Variants in FRYL observed in about 807,000 individuals in gnomAD.
The protein encoded by FRYL is protein furry homolog-like.
A neutral mutation model predicts 351.2 loss-of-function variants in FRYL; 150 were observed. The ratio of observed to expected loss-of-function variants is 0.43; its 90% CI spans 0.37 to 0.49. FRYL has a LOEUF of 0.49. FRYL is among the 20% of genes least tolerant of loss of function. FRYL has a pLI of 0.00. For missense variants in FRYL, 3,036 were observed against 3,619.3 expected (o/e 0.84, Z 4.13); for synonymous variants, 1,153 against 1,257.1 (o/e 0.92, Z 1.75).
intron 1 of FRYL, among the ~76,000 whole-genome samples, chr4:48,753,439 T>C (rs549067401): frequency 6.6e-6 from 1 of 152,192 alleles, no homozygotes; most frequent in Non-Finnish European, 1.5e-5. Context: ...TAACTGTTGT[T>C]ATTGCAATAT....
At chr4:48,687,624 TA>T (rs1765285061) in intron 2 of FRYL, among the ~76,000 whole-genome samples, 1 of 151,892 alleles carries the variant, frequency 6.6e-6, no homozygotes, top group Non-Finnish European at 1.5e-5. Context: ...ATTTCTAGAA[TA>T]ATAACAGAAA....
chr4:48,778,871 T>C (rs1226069248), intron 1 of FRYL, among the ~76,000 whole-genome samples: 3 of 152,046 alleles, frequency 2.0e-5, no homozygotes, highest in Admixed American at 6.6e-5. Context: ...TGTCTTGCTG[T>C]GTCTTTTTTC....
intron 50 of FRYL, among the ~76,000 whole-genome samples, chr4:48,529,957 C>G (rs1390966526): frequency 6.6e-6 from 1 of 152,192 alleles, no homozygotes; most frequent in Non-Finnish European, 1.5e-5. Context: ...TCTCAGGTTT[C>G]CTTTAGTTGT....
At chr4:48,727,795 C>A (rs987879649) in intron 1 of FRYL, among the ~76,000 whole-genome samples, 1 of 152,166 alleles carries the variant, frequency 6.6e-6, no homozygotes, top group African/African-American at 2.4e-5. Flanking sequence ...AATACCTAAT[C>A]CCAGTCAGCC....
chr4:48,520,903 G>C, intron 55 of FRYL, 145 bp downstream of exon 55: 2 of 534,032 alleles, frequency 3.7e-6, no homozygotes, highest in Non-Finnish European at 6.3e-6. Context: ...AATCAGATTT[G>C]ACTATTTCAT....
intron 1 of FRYL, among the ~76,000 whole-genome samples, chr4:48,713,639 C>G (rs954324775): frequency 1.3e-5 from 2 of 152,114 alleles, no homozygotes; most frequent in African/African-American, 4.8e-5. Flanking sequence ...GAGTGACCTA[C>G]AAAGAGACTT....
At chr4:48,762,777 G>C (rs1464485813) in intron 1 of FRYL, among the ~76,000 whole-genome samples, 1 of 152,046 alleles carries the variant, frequency 6.6e-6, no homozygotes, top group Non-Finnish European at 1.5e-5. Context: ...GTCTTTGCAA[G>C]GATTTTTGCA....
At chr4:48,587,060 C>T (rs1395820335) in intron 18 of FRYL, among the ~76,000 whole-genome samples, 1 of 151,240 alleles carries the variant, frequency 6.6e-6, no homozygotes, top group Non-Finnish European at 1.5e-5. Context: ...ATTTAGCCTC[C>T]CACAAATAAT....
chr4:48,761,336 C>T (rs565151942), intron 1 of FRYL, among the ~76,000 whole-genome samples: 7 of 152,162 alleles, frequency 4.6e-5, no homozygotes, highest in South Asian at 2.1e-4. Flanking sequence ...GTTACATCAA[C>T]GACTGATTAT....
chr4:48,505,331 G>T, intron 60 of FRYL: 1 of 601,936 alleles, frequency 1.7e-6, no homozygotes, highest in South Asian at 1.7e-5. Context: ...TTAAGCTTCA[G>T]TCACAAGCTG....
intron 1 of FRYL, among the ~76,000 whole-genome samples, chr4:48,712,864 G>A (rs1318366953): frequency 3.3e-5 from 5 of 152,194 alleles, no homozygotes; most frequent in Admixed American, 2.6e-4. Context: ...AAGCCCATCA[G>A]ACTAACAGCG....
At chr4:48,751,468 G>T (rs1179542026) in intron 1 of FRYL, among the ~76,000 whole-genome samples, 2 of 152,166 alleles carry the variant, frequency 1.3e-5, no homozygotes, top group Non-Finnish European at 2.9e-5. Flanking sequence ...GCAGAATAAA[G>T]GCATGTCCAG....
At chr4:48,632,556 T>G (rs1376178564) in intron 4 of FRYL, among the ~76,000 whole-genome samples, 1 of 150,592 alleles carries the variant, frequency 6.6e-6, no homozygotes, top group Non-Finnish European at 1.5e-5. Context: ...ATAATATATA[T>G]GCTGTCTATA....
chr4:48,739,421 A>AT (rs56312141), intron 1 of FRYL, among the ~76,000 whole-genome samples: 53,840 of 117,108 alleles, frequency 0.46, 18,669 homozygotes, highest in Non-Finnish European at 0.59. Flanking sequence ...AAAAAAAAAA[A>AT]CAACTAATCT....
At chr4:48,581,278 C>A in intron 21 of FRYL, 142 bp downstream of exon 21, 1 of 628,282 alleles carries the variant, frequency 1.6e-6, no homozygotes, top group Non-Finnish European at 2.7e-6. Flanking sequence ...ATCTCGTGAT[C>A]CGCCCGACTC....
At chr4:48,611,676 T>G (rs923812993) in intron 7 of FRYL, among the ~76,000 whole-genome samples, 2 of 152,162 alleles carry the variant, frequency 1.3e-5, no homozygotes, top group African/African-American at 4.8e-5. Flanking sequence ...CTATAAAAAC[T>G]GTTAGGATTT....
At chr4:48,629,872 A>C (rs1752613380) in intron 4 of FRYL, among the ~76,000 whole-genome samples, 1 of 152,150 alleles carries the variant, frequency 6.6e-6, no homozygotes, top group Admixed American at 6.5e-5. Flanking sequence ...TTGTTTTAAA[A>C]AGCTTGTTTA....
intron 54 of FRYL, among the ~76,000 whole-genome samples, chr4:48,522,478 C>T (rs1472082677): frequency 6.6e-6 from 1 of 152,224 alleles, no homozygotes; most frequent in Non-Finnish European, 1.5e-5. Flanking sequence ...TAACAGGCTA[C>T]TCTTGCAGCT....
intron 4 of FRYL, among the ~76,000 whole-genome samples, chr4:48,625,017 T>C (rs1751495816): frequency 6.6e-6 from 1 of 152,222 alleles, no homozygotes; most frequent in Non-Finnish European, 1.5e-5. Flanking sequence ...TGGGCTCTCC[T>C]GGTTCTCAAG....
Sources: gnomAD v4.1 joint callset for allele counts (sites outside exome capture counted in the v4.1 genomes callset) on GRCh38, gnomAD v4.1.1 for gene constraint, MANE v1.5 for transcripts, NCBI Gene and HGNC (gene_info 2026-07-23, HGNC 2026-07-21) for gene names.